LARGE1: variants seen among roughly 807,000 people sequenced by gnomAD.
LARGE1 encodes xylosyl- and glucuronyltransferase LARGE1.
LARGE1 carries 43 observed loss-of-function variants against 87.6 expected under a neutral mutation model. The ratio of observed to expected loss-of-function variants is 0.49; its 90% CI spans 0.38 to 0.63. The LOEUF is 0.63. Among genes scored for constraint, LARGE1 ranks in the 30% least tolerant of loss-of-function variants. The pLI is 0.00. For synonymous variants in LARGE1, 434 were observed against 394.6 expected, an observed-to-expected ratio of 1.10 and a Z score of -1.18; for missense variants, 802 against 1,000.2, an observed-to-expected ratio of 0.80 and a Z score of 2.67.
intron 2 of LARGE1, among the ~76,000 whole-genome samples, chr22:33,682,481 C>G (rs1337278253): frequency 6.6e-6 from 1 of 152,202 alleles, no homozygotes; most frequent in Non-Finnish European, 1.5e-5. Flanking sequence ...AATTCTTACT[C>G]AACTCTCAAG....
chr22:33,334,855 G>A (rs767753161), intron 10 of LARGE1, among the ~76,000 whole-genome samples: 7 of 152,244 alleles, frequency 4.6e-5, no homozygotes, highest in Non-Finnish European at 1.0e-4. Context: ...CACGGCTCCT[G>A]GCAGATGGCC....
the LARGE1 span, chr22:33,110,371 A>G: frequency 6.6e-6 from 1 of 152,180 alleles, no homozygotes; most frequent in African/African-American, 2.4e-5. Context: ...GTTTTGAATA[A>G]AAAAGGTGCA....
At chr22:33,184,053 G>A (rs1462580948) in intron 11 of LARGE1, among the ~76,000 whole-genome samples, 1 of 128,154 alleles carries the variant, frequency 7.8e-6, no homozygotes, top group African/African-American at 2.9e-5. Flanking sequence ...GTAGTGATGG[G>A]TGTGTTAATT....
At chr22:33,145,302 G>A in the LARGE1 span, among the ~76,000 whole-genome samples, 24 of 152,270 alleles carry the variant, frequency 1.6e-4, no homozygotes, top group African/African-American at 5.5e-4. Context: ...AAAGCTCAAT[G>A]GGCCATTACC....
intron 2 of LARGE1, among the ~76,000 whole-genome samples, chr22:33,699,606 C>G (rs190817366): frequency 4.6e-5 from 7 of 152,294 alleles, no homozygotes; most frequent in Admixed American, 3.3e-4. Flanking sequence ...GAGTGAGATT[C>G]CAAGCAAAGA....
chr22:33,659,573 T>C (rs1401490104), intron 2 of LARGE1, among the ~76,000 whole-genome samples: 1 of 151,848 alleles, frequency 6.6e-6, no homozygotes, highest in Non-Finnish European at 1.5e-5. Flanking sequence ...GGAAGGAAAA[T>C]GGCAATGATG....
chr22:33,879,130 G>A (rs900798039), intron 1 of LARGE1, among the ~76,000 whole-genome samples: 2 of 152,078 alleles, frequency 1.3e-5, no homozygotes, highest in African/African-American at 2.4e-5. Flanking sequence ...GCGCCACGAT[G>A]CCTGGCTAAT....
chr22:33,519,235 CGTGTGT>C (rs3071590), intron 6 of LARGE1, among the ~76,000 whole-genome samples: 6 of 149,544 alleles, frequency 4.0e-5, no homozygotes, highest in Non-Finnish European at 7.4e-5. Flanking sequence ...CGTGCGCGCG[CGTGTGT>C]GTGTGTGTGT....
At chr22:33,801,864 C>T (rs932331829) in intron 1 of LARGE1, among the ~76,000 whole-genome samples, 3 of 151,970 alleles carry the variant, frequency 2.0e-5, no homozygotes, top group Non-Finnish European at 4.4e-5. Context: ...ATAATTATGG[C>T]ATCTACTTCA....
At chr22:33,266,555 C>T (rs972758215) in intron 11 of LARGE1, among the ~76,000 whole-genome samples, 2 of 151,696 alleles carry the variant, frequency 1.3e-5, no homozygotes, top group Middle Eastern at 3.2e-3. Context: ...TCTGAGCTTC[C>T]GTTTCCTTAT....
At chr22:33,833,581 A>G (rs1363140509) in intron 1 of LARGE1, among the ~76,000 whole-genome samples, 4 of 152,260 alleles carry the variant, frequency 2.6e-5, no homozygotes, top group African/African-American at 9.6e-5. Context: ...TATTTTTATC[A>G]TTTAAGCCAC....
intron 5 of LARGE1, among the ~76,000 whole-genome samples, chr22:33,566,479 C>CG (rs201863471): frequency 0.013 from 1,917 of 152,204 alleles, 44 homozygotes; most frequent in African/African-American, 0.044. Flanking sequence ...TGGCTCCTTC[C>CG]GGGGGGTTCT....
At chr22:33,157,732 A>C (rs374935612), downstream of LARGE1, among the ~76,000 whole-genome samples, 1 of 152,172 alleles carries the variant, frequency 6.6e-6, no homozygotes, top group African/African-American at 2.4e-5. Context: ...TTCTTTTAGT[A>C]CTCATCGTAG....
intron 6 of LARGE1, among the ~76,000 whole-genome samples, chr22:33,446,392 T>C (rs902096963): frequency 9.2e-5 from 14 of 152,214 alleles, no homozygotes; most frequent in South Asian, 2.1e-4. Flanking sequence ...TGGAAACCTC[T>C]GACTTTGCAG....
rs567806122 is a variant in LARGE1, at chr22:33,365,617, T to TC, written c.1131+16301_1131+16302insG. Among the ~76,000 whole-genome samples, 94 of 136,748 alleles carry TC rather than the reference T, an allele frequency of 6.9e-4. 1 individual carries two copies. The highest frequency in any genetic ancestry group is 2.4e-3 in the African/African-American group (85 of 34,892). 89.7% of individuals were successfully genotyped at this position (136,748 alleles called of 152,430 possible). A position where few individuals can be genotyped will look rare whatever the true frequency, so the allele number is the denominator to read the frequency against. On this transcript the variant is annotated intron_variant, in intron 9 of 14. Coordinates refer to ENST00000397394, the MANE Select transcript of LARGE1 (RefSeq NM_133642.5). ...TTGAAGTATCTTTTGCTTTTCTCTC[T>TC]TTTTTTTTTTTTTTTGAGATGGAGT...
At chr22:33,317,569 C>T (rs1449620652) in intron 10 of LARGE1, among the ~76,000 whole-genome samples, 2 of 152,106 alleles carry the variant, frequency 1.3e-5, no homozygotes, top group Non-Finnish European at 2.9e-5. Flanking sequence ...TTCTCTCTTC[C>T]TTCACCAACT....
At chr22:33,112,562 G>A in the LARGE1 span, among the ~76,000 whole-genome samples, 1 of 152,182 alleles carries the variant, frequency 6.6e-6, no homozygotes, top group Non-Finnish European at 1.5e-5. Flanking sequence ...TGAATAGACA[G>A]TGAGTGCCAG....
the LARGE1 span, among the ~76,000 whole-genome samples, chr22:33,138,443 T>TTTA: frequency 1.7e-5 from 2 of 120,862 alleles, no homozygotes; most frequent in African/African-American, 5.6e-5. Flanking sequence ...AGGACTTTTA[T>TTTA]TTTTTCATTT....
chr22:33,492,980 T>G (rs1178655622), intron 6 of LARGE1, among the ~76,000 whole-genome samples: 1 of 152,044 alleles, frequency 6.6e-6, no homozygotes, highest in Non-Finnish European at 1.5e-5. Flanking sequence ...ACAATCCATT[T>G]TCAGGACAAA....
Sources: allele counts gnomAD v4.1 joint callset (sites outside exome capture counted in the v4.1 genomes callset), GRCh38; gene constraint gnomAD v4.1.1; transcripts MANE v1.5; gene names NCBI Gene and HGNC (gene_info 2026-07-23, HGNC 2026-07-21).